EDA: variants seen among roughly 807,000 people sequenced by gnomAD.
EDA encodes ectodysplasin-A.
A neutral mutation model predicts 23.6 loss-of-function variants in EDA; 2 were observed. That is an observed-to-expected ratio of 0.08 (90% confidence interval 0.03 to 0.27). EDA has a LOEUF of 0.27. EDA is among the 10% of genes least tolerant of loss of function. EDA has a pLI of 1.00. For synonymous variants in EDA, 131 were observed against 132.0 expected (o/e 0.99, Z 0.05); for missense variants, 229 against 324.2 (o/e 0.71, Z 2.26).
At chrX:69,782,742 C>G (rs1298013986) in intron 1 of EDA, among the ~76,000 whole-genome samples, 1 of 111,904 alleles carries the variant, frequency 8.9e-6, no homozygotes, top group African/African-American at 3.2e-5. Context: ...GTAAAAAGAT[C>G]TTTGAAGCCA....
intron 1 of EDA, among the ~76,000 whole-genome samples, chrX:69,906,832 C>A (rs773874782): frequency 1.6e-4 from 18 of 112,348 alleles, no homozygotes; most frequent in Non-Finnish European, 2.6e-4. Context: ...AAAAAGAATA[C>A]TTTTAGCTAA....
chrX:69,687,861 A>G (rs1213842556), intron 1 of EDA, among the ~76,000 whole-genome samples: 3 of 111,873 alleles, frequency 2.7e-5, no homozygotes, highest in Admixed American at 9.5e-5. Context: ...CCTGAGAAAT[A>G]CACTCTAAGA....
chrX:69,956,650 A>C (rs1411449623), intron 1 of EDA, among the ~76,000 whole-genome samples: 1 of 111,160 alleles, frequency 9.0e-6, no homozygotes, highest in Non-Finnish European at 1.9e-5. Context: ...AGCCAAATTC[A>C]AGGTTTTCTG....
chrX:69,844,712 C>A, intron 1 of EDA, among the ~76,000 whole-genome samples: 1 of 112,492 alleles, frequency 8.9e-6, no homozygotes, highest in East Asian at 2.8e-4. Context: ...TAGAACACTC[C>A]ACATCTGCTT....
chrX:69,733,307 G>C (rs375756368), intron 1 of EDA, among the ~76,000 whole-genome samples: 75 of 111,777 alleles, frequency 6.7e-4, no homozygotes, highest in South Asian at 1.9e-3. Context: ...CCAGTTTCAG[G>C]TTTCTACATA....
intron 2 of EDA, chrX:69,957,538 T>C (rs972997987): frequency 1.2e-5 from 2 of 171,445 alleles, no homozygotes; most frequent in Admixed American, 1.5e-4. Flanking sequence ...CATCATCTTA[T>C]ATACTGTCCA....
intron 1 of EDA, among the ~76,000 whole-genome samples, chrX:69,841,360 C>T (rs1452615166): frequency 9.0e-6 from 1 of 111,487 alleles, no homozygotes; most frequent in East Asian, 2.8e-4. Context: ...AGTTTGGATA[C>T]AGAATTATTA....
At chrX:69,976,769 G>T (rs772664824) in intron 2 of EDA, among the ~76,000 whole-genome samples, 1 of 109,247 alleles carries the variant, frequency 9.2e-6, no homozygotes, top group South Asian at 4.1e-4. Flanking sequence ...ACAGGGGGAG[G>T]GGGGGTGGAA....
At chrX:69,697,144 A>G (rs1345898244) in intron 1 of EDA, among the ~76,000 whole-genome samples, 2 of 111,742 alleles carry the variant, frequency 1.8e-5, no homozygotes, top group Middle Eastern at 4.6e-3. Context: ...ACGGGCTGAG[A>G]CCTAAAATGG....
chrX:70,022,424 C>T (rs1328278759), intron 2 of EDA, among the ~76,000 whole-genome samples: 8 of 109,711 alleles, frequency 7.3e-5, no homozygotes, highest in Non-Finnish European at 1.1e-4. Flanking sequence ...GCAAGCTCCA[C>T]CTCCCAGGTT....
intron 1 of EDA, among the ~76,000 whole-genome samples, chrX:69,822,603 G>C (rs2016258006): frequency 8.9e-6 from 1 of 112,125 alleles, no homozygotes; most frequent in African/African-American, 3.2e-5. Flanking sequence ...TACTTAAGCA[G>C]TAGAATGATG....
chrX:69,962,119 C>T (rs1419174249), intron 2 of EDA, among the ~76,000 whole-genome samples: 3 of 112,554 alleles, frequency 2.7e-5, no homozygotes, highest in Non-Finnish European at 5.6e-5. Context: ...CATCTGTTCT[C>T]TTCCGATAGG....
At chrX:69,788,557 G>C (rs2015282884) in intron 1 of EDA, among the ~76,000 whole-genome samples, 1 of 111,773 alleles carries the variant, frequency 8.9e-6, no homozygotes, top group South Asian at 3.8e-4. Flanking sequence ...GGCCGTGTGA[G>C]GTGTCAGTCT....
chrX:70,007,315 C>G (rs2019815634), intron 2 of EDA, among the ~76,000 whole-genome samples: 1 of 111,698 alleles, frequency 9.0e-6, no homozygotes, highest in Non-Finnish European at 1.9e-5. Flanking sequence ...CCACCTAAAT[C>G]TCATCTTGAA....
chrX:69,687,645 A>G (rs767720695), intron 1 of EDA: 2 of 102,208 alleles, frequency 2.0e-5, no homozygotes, highest in Admixed American at 2.0e-4. Flanking sequence ...GCCTAACCCA[A>G]GGTCACAAGG....
chrX:69,841,761 C>T (rs1402452072), intron 1 of EDA, among the ~76,000 whole-genome samples: 1 of 112,170 alleles, frequency 8.9e-6, no homozygotes, highest in East Asian at 2.8e-4. Flanking sequence ...CAGAAATAAA[C>T]TTTTCAAGAT....
intron 4 of EDA, 73 bp downstream of exon 4, chrX:70,028,109 G>A (rs776556391): frequency 3.6e-5 from 42 of 1,160,446 alleles, no homozygotes; most frequent in Non-Finnish European, 4.8e-5. Flanking sequence ...GGGTGATCCT[G>A]AGAGCAGTTT....
chrX:69,843,947 A>C (rs1400895226), intron 1 of EDA, among the ~76,000 whole-genome samples: 3 of 102,005 alleles, frequency 2.9e-5, no homozygotes, highest in African/African-American at 1.1e-4. Context: ...GCGTGCACCC[A>C]GGAGGCAGAG....
intron 2 of EDA, among the ~76,000 whole-genome samples, chrX:70,011,435 A>G (rs1196551447): frequency 9.2e-6 from 1 of 108,768 alleles, no homozygotes; most frequent in African/African-American, 3.4e-5. Flanking sequence ...GGTTCAAGCA[A>G]TTCTCGTGCC....
Sources: allele counts gnomAD v4.1 joint callset (sites outside exome capture counted in the v4.1 genomes callset), GRCh38; gene constraint gnomAD v4.1.1; transcripts MANE v1.5; gene names NCBI Gene and HGNC (gene_info 2026-07-23, HGNC 2026-07-21).